The following LITAF variants were observed in gnomAD, a reference collection of about 807,000 sequenced individuals.
The protein encoded by LITAF is lipopolysaccharide induced TNF factor.
In LITAF, 9 loss-of-function variants were observed where a neutral mutation model predicts 14.5. That is an observed-to-expected ratio of 0.62 (90% CI 0.37 to 1.08). The LOEUF is 1.08. Among genes scored for constraint, LITAF ranks in the 50% least tolerant of loss-of-function variants. The pLI is 0.01. For synonymous variants in LITAF, 98 were observed against 88.2 expected, an observed-to-expected ratio of 1.11 and a Z score of -0.62; for missense variants, 206 against 213.4, an observed-to-expected ratio of 0.97 and a Z score of 0.22.
chr16:11,568,693 T>G (rs1247658526), intron 1 of LITAF, among the ~76,000 whole-genome samples: 5 of 150,810 alleles, frequency 3.3e-5, no homozygotes, highest in African/African-American at 9.7e-5. Flanking sequence ...GTTTTTTTTT[T>G]TTTTGAGATA....
At position 11,576,554 on chromosome 16, in the gene LITAF, A is replaced by C. The variant is rs111831174; in HGVS notation, c.-6+10332T>G. Among the ~76,000 whole-genome samples, 626 of 116,658 alleles carry C rather than the reference A, an allele frequency of 5.4e-3. 9 individuals are homozygous for C. Among genetic ancestry groups the C allele is most frequent in the African/African-American group, 0.02 (585 of 29,950 alleles). 76.5% of individuals were successfully genotyped at this position (116,658 alleles called of 152,430 possible). ...ATCTGCAAAAAAAAAAAAAAAAAAA[A>C]AGAGAGAGAGAAAGAGAAAAAGAGA... On this transcript the variant is annotated intron_variant, in intron 1 of 3. Coordinates refer to ENST00000622633, the MANE Select transcript of LITAF (RefSeq NM_001136472.2).
At chr16:11,573,684 T>A (rs2141801152) in intron 1 of LITAF, among the ~76,000 whole-genome samples, 1 of 149,014 alleles carries the variant, frequency 6.7e-6, no homozygotes, top group South Asian at 2.1e-4. Flanking sequence ...TTGTGTATGG[T>A]GAGAGAAGAA....
rs71136673 is a variant in LITAF, at chr16:11,617,426, C to CTTTTTT, written c.85+16101_85+16106dup. The stretch of plus-strand genomic sequence containing the variant: ...CAATATATCAATATATGGCTTCACT[C>CTTTTTT]TTTTTTTTTTTTTTTTTTTTTTTTG... On this transcript the variant is annotated intron_variant, in intron 3 of 3. Coordinates refer to the LITAF transcript ENST00000574848. 1.9e-3 allele frequency among the ~76,000 whole-genome samples: 143 copies of CTTTTTT among 73,726 alleles called. 1 individual carries two copies. The highest frequency in any genetic ancestry group is 2.5e-3 in the Non-Finnish European group (105 of 41,620). The allele number at this position is 73,726 out of a possible 152,430, so 48.4% of individuals were successfully genotyped here. A position where few individuals can be genotyped will look rare whatever the true frequency, so the allele number is the denominator to read the frequency against.
In LITAF at chr16:11,558,139, AGAACTCGTGG is replaced by A. The variant is rs2064303748; in HGVS notation, c.-5-1414_-5-1405del. Among the ~76,000 whole-genome samples, 1 of 152,182 alleles carries A rather than the reference AGAACTCGTGG, an allele frequency of 6.6e-6. No homozygotes were observed. Among genetic ancestry groups the A allele is most frequent in the Non-Finnish European group, 1.5e-5 (1 of 68,028 alleles). On this transcript the variant is annotated intron_variant, in intron 1 of 3. Transcript: ENST00000622633. The surrounding 1 kb of genome is among the most constrained non-coding windows in gnomAD (Gnocchi z 4.1). ...CCCGACACTGTCTGCCTCATTTTCT[AGAACTCGTGG>A]GAAGCCAAGGCAGCAATTAATCCCA...
At position 11,558,179 on chromosome 16, in the gene LITAF, AG is replaced by A. The variant is rs1004927737; in HGVS notation, c.-5-1445del. 3.9e-5 allele frequency among the ~76,000 whole-genome samples: 6 copies of A among 152,188 alleles called. No individual in the cohort carries two copies. The highest frequency in any genetic ancestry group is 1.4e-4 in the African/African-American group (6 of 41,442). ...CCAAGGCAGCAATTAATCCCACTGC[AG>A]GGAGAAGGGTAGAGTCCTTCTCAGA... is the stretch of plus-strand genomic sequence containing the variant. On this transcript the variant is annotated intron_variant, in intron 1 of 3. Transcript: ENST00000622633. This position sits in a 1 kb window ranked among gnomAD's most constrained non-coding sequence, Gnocchi z 4.1.
chr16:11,561,073 C>T (rs1324245472), intron 1 of LITAF: 2 of 152,190 alleles, frequency 1.3e-5, no homozygotes, highest in Non-Finnish European at 2.9e-5. Context: ...GGTTGAACGT[C>T]GAGGACTCGC....
chr16:11,573,172 C>T (rs1252229300), intron 1 of LITAF, among the ~76,000 whole-genome samples: 1 of 152,068 alleles, frequency 6.6e-6, no homozygotes, highest in Non-Finnish European at 1.5e-5. Context: ...TCAAGCGATC[C>T]GCCTGCCTCG....
chr16:11,631,924 A>ACTGCAATCTCTGCCTCC (rs1472284068), intron 3 of LITAF, among the ~76,000 whole-genome samples: 1 of 148,514 alleles, frequency 6.7e-6, no homozygotes, highest in South Asian at 2.1e-4. Context: ...ATCTCAGCTC[A>ACTGCAATCTCTGCCTCC]CTGCAATCTC....
chr16:11,628,025 A>C (rs1347063785), intron 3 of LITAF, among the ~76,000 whole-genome samples: 2 of 151,510 alleles, frequency 1.3e-5, no homozygotes, highest in Non-Finnish European at 2.9e-5. Context: ...AAAAAAAAAA[A>C]AAAAAAAACA....
chr16:11,602,375 G>C (rs2064933132), upstream of LITAF, among the ~76,000 whole-genome samples: 1 of 152,038 alleles, frequency 6.6e-6, no homozygotes, highest in African/African-American at 2.4e-5. Flanking sequence ...TAAATAATAA[G>C]ATATTCTGCC....
upstream of LITAF, among the ~76,000 whole-genome samples, chr16:11,589,668 C>T (rs1251916245): frequency 7.3e-6 from 1 of 136,762 alleles, no homozygotes. Flanking sequence ...ACCCAGGCTG[C>T]AGTACAGTGG....
rs1419632985 is a variant in LITAF at position 11,548,485 on chromosome 16, G to C, written c.*1152C>G. ...CCTTATCTTTCAAAACCCACCACCA[G>C]GAAACCAAAACGGACCCCACTCTGA... On this transcript the variant is annotated 3_prime_UTR_variant, in exon 4 of 4. Transcript: ENST00000622633. The C allele has an allele frequency of 2.2e-6, 1 of 453,712 alleles. No individual in the cohort carries two copies. Among genetic ancestry groups the C allele is most frequent in the African/African-American group, 2.0e-5 (1 of 49,898 alleles). The allele number at this position is 453,712 out of a possible 1,614,324, so 28.1% of individuals were successfully genotyped here. A position where few individuals can be genotyped will look rare whatever the true frequency, so the allele number is the denominator to read the frequency against.
chr16:11,635,073 A>G lies in LITAF; in HGVS notation c.-21+752T>C, dbSNP rs143615365. On this transcript the variant is annotated intron_variant, in intron 2 of 3. Transcript: ENST00000574848. Reference sequence around the variant, plus strand: ...ATAAAATAAAATAAAATAAAATAAAATAAAATAAAATAAAATAAAACTCCA... The same window carrying G: ...ATAAAATAAAATAAAATAAAATAAAGTAAAATAAAATAAAATAAAACTCCA... 5.2e-3 allele frequency among the ~76,000 whole-genome samples: 781 copies of G among 151,054 alleles called. 5 individuals are homozygous for G. The highest frequency in any genetic ancestry group is 0.018 in the African/African-American group (751 of 41,026).
chr16:11,611,047 C>G (rs72781044), intron 3 of LITAF, among the ~76,000 whole-genome samples: 1 of 151,920 alleles, frequency 6.6e-6, no homozygotes, highest in African/African-American at 2.4e-5. Flanking sequence ...CTCCCAGATA[C>G]GGTTTCCAGA....
chr16:11,615,155 G>T (rs2065009509), intron 3 of LITAF, among the ~76,000 whole-genome samples: 1 of 152,232 alleles, frequency 6.6e-6, no homozygotes, highest in African/African-American at 2.4e-5. Flanking sequence ...GACAGTGGCT[G>T]AGGAAAGAAC....
chr16:11,600,779 G>C (rs1034224307), upstream of LITAF, among the ~76,000 whole-genome samples: 1 of 152,168 alleles, frequency 6.6e-6, no homozygotes, highest in East Asian at 1.9e-4. The surrounding 1 kb of genome is among the most constrained non-coding windows in gnomAD (Gnocchi z 4.1). Flanking sequence ...TCAGGTAGGG[G>C]CACCAACCCT....
chr16:11,574,233 G>A (rs757812441), intron 1 of LITAF, among the ~76,000 whole-genome samples: 6 of 151,648 alleles, frequency 4.0e-5, no homozygotes, highest in Non-Finnish European at 8.8e-5. Context: ...GTAGAGACGG[G>A]GTCTCAGTAT....
At chr16:11,561,298 A>C (rs1353057306) in intron 1 of LITAF, 1 of 152,198 alleles carries the variant, frequency 6.6e-6, no homozygotes, top group Non-Finnish European at 1.5e-5. Flanking sequence ...TTCCTGCAAA[A>C]ACCACGGCCT....
intron 3 of LITAF, among the ~76,000 whole-genome samples, chr16:11,613,143 G>A (rs1047874660): frequency 1.3e-5 from 2 of 152,138 alleles, no homozygotes; most frequent in African/African-American, 4.8e-5. Flanking sequence ...GGGTTCAAGC[G>A]ATTCTCCTGC....
Sources: gnomAD v4.1 joint callset for allele counts (sites outside exome capture counted in the v4.1 genomes callset) on GRCh38, gnomAD v4.1.1 for gene constraint, Gnocchi (gnomAD v3.1) non-coding constraint, MANE v1.5 for transcripts, NCBI Gene and HGNC (gene_info 2026-07-23, HGNC 2026-07-21) for gene names.